Variants in GSAP observed in about 807,000 individuals in gnomAD.
GSAP encodes the protein gamma-secretase activating protein.
GSAP carries 118 observed loss-of-function variants against 131.7 expected under a neutral mutation model. The observed-to-expected ratio is 0.90, with a 90% CI of 0.77 to 1.04. The LOEUF is 1.04. Ranked by LOEUF, GSAP falls within the 50% of genes least tolerant of loss-of-function variation. GSAP has a pLI of 0.00. For synonymous variants in GSAP, 381 were observed against 363.4 expected, an observed-to-expected ratio of 1.05 and a Z score of -0.55; for missense variants, 1,019 against 1,013.2, an observed-to-expected ratio of 1.01 and a Z score of -0.08.
intron 11 of GSAP, among the ~76,000 whole-genome samples, chr7:77,374,700 C>T (rs1400241127): frequency 6.6e-6 from 1 of 150,816 alleles, no homozygotes; most frequent in African/African-American, 2.4e-5. Flanking sequence ...TGACCTGTGA[C>T]ATCCTCTTTG....
intron 26 of GSAP, among the ~76,000 whole-genome samples, chr7:77,319,511 A>G (rs77517702): frequency 0.081 from 12,361 of 152,316 alleles, 718 homozygotes; most frequent in Non-Finnish European, 0.11. Flanking sequence ...TTTAAAAAAA[A>G]GAATCAATAT....
chr7:77,373,355 C>T (rs1281233036), intron 12 of GSAP, among the ~76,000 whole-genome samples: 1 of 152,122 alleles, frequency 6.6e-6, no homozygotes, highest in African/African-American at 2.4e-5. Flanking sequence ...GGGTGAATAT[C>T]CCACAATAAT....
At chr7:77,416,383 G>C (rs556421178), upstream of GSAP, 2 of 895,786 alleles carry the variant, frequency 2.2e-6, no homozygotes, top group East Asian at 3.3e-5. Context: ...CCGGCCCCGC[G>C]TGGCCGCCTC....
rs139021672 is a variant in GSAP, at chr7:77,347,893, T to C, written c.1545+1458A>G. Among the ~76,000 whole-genome samples the C allele has an allele frequency of 1.2e-4, 18 of 151,646 alleles. No homozygotes were observed. The East Asian group carries it at 2.7e-3, about 23-fold the overall frequency. On this transcript the variant is annotated intron_variant, in intron 19 of 30. Transcript: ENST00000257626. Reference sequence around the variant, plus strand: ...ATGGTCCATCATGGTGGTTCACACCTATAATCCTAGCACTCTAAGAGGCTA... The same window carrying C: ...ATGGTCCATCATGGTGGTTCACACCCATAATCCTAGCACTCTAAGAGGCTA...
At chr7:77,376,772 T>G in intron 10 of GSAP, 76 bp downstream of exon 10, 1 of 610,034 alleles carries the variant, frequency 1.6e-6, no homozygotes, top group Non-Finnish European at 2.6e-6. Context: ...TGAGACTCCA[T>G]CTCAAAAAAA....
intron 24 of GSAP, among the ~76,000 whole-genome samples, chr7:77,322,514 G>A (rs1447930740): frequency 6.6e-6 from 1 of 151,724 alleles, no homozygotes; most frequent in African/African-American, 2.4e-5. Flanking sequence ...AGCACTTTGG[G>A]AAGTAAGATT....
chr7:77,318,052 C>G (rs1281229226), intron 26 of GSAP, among the ~76,000 whole-genome samples: 2 of 152,200 alleles, frequency 1.3e-5, no homozygotes, highest in Admixed American at 1.3e-4. Flanking sequence ...TGTAGGGATT[C>G]TTTAGGCCCA....
At chr7:77,403,244 T>C (rs1009399125) in intron 3 of GSAP, among the ~76,000 whole-genome samples, 1 of 152,234 alleles carries the variant, frequency 6.6e-6, no homozygotes, top group African/African-American at 2.4e-5. Flanking sequence ...GAGTTTATGT[T>C]GATCATCACT....
chr7:77,349,803 T>A (rs1276765894), intron 18 of GSAP, among the ~76,000 whole-genome samples: 2 of 152,208 alleles, frequency 1.3e-5, no homozygotes, highest in East Asian at 3.9e-4. Flanking sequence ...CACTTAAATG[T>A]ATTATAGTTG....
intron 12 of GSAP, among the ~76,000 whole-genome samples, chr7:77,370,278 C>G (rs181989568): frequency 6.6e-6 from 1 of 151,914 alleles, no homozygotes; most frequent in Admixed American, 6.6e-5. Flanking sequence ...GCCAACATGG[C>G]GAAACCCCGT....
chr7:77,335,392 T>C (rs1584325372), intron 19 of GSAP, among the ~76,000 whole-genome samples: 1 of 152,104 alleles, frequency 6.6e-6, no homozygotes, highest in East Asian at 1.9e-4. Flanking sequence ...AATGAGACTG[T>C]TTCATAAAAA....
intron 3 of GSAP, among the ~76,000 whole-genome samples, chr7:77,401,063 T>A (rs1801236590): frequency 6.9e-6 from 1 of 145,312 alleles, no homozygotes. Context: ...AATCAAAAAA[T>A]AAAAGAAACA....
chr7:77,398,263 A>G (rs1583860695), intron 3 of GSAP, among the ~76,000 whole-genome samples: 1 of 152,322 alleles, frequency 6.6e-6, no homozygotes, highest in East Asian at 1.9e-4. Flanking sequence ...TATCGAAAAC[A>G]CACCAGACCC....
intron 23 of GSAP, among the ~76,000 whole-genome samples, chr7:77,324,756 GTTT>G (rs936037394): frequency 7.2e-6 from 1 of 138,778 alleles, no homozygotes; most frequent in Admixed American, 7.2e-5. Flanking sequence ...TAACAATTGC[GTTT>G]TTTTTTTCCT....
chr7:77,324,068 G>C (rs1175500772), intron 23 of GSAP, among the ~76,000 whole-genome samples: 2 of 152,142 alleles, frequency 1.3e-5, no homozygotes, highest in Admixed American at 6.5e-5. Flanking sequence ...ATCTACCAAA[G>C]GATTAAAGTC....
chr7:77,319,875 G>C (rs142730029), intron 26 of GSAP, among the ~76,000 whole-genome samples: 1 of 152,184 alleles, frequency 6.6e-6, no homozygotes, highest in Non-Finnish European at 1.5e-5. Context: ...GCCAGGAACC[G>C]GGGAGTAGGG....
At chr7:77,335,086 TA>T (rs112916857) in intron 19 of GSAP, among the ~76,000 whole-genome samples, 73 of 131,546 alleles carry the variant, frequency 5.5e-4, no homozygotes, top group Middle Eastern at 4.8e-3. Flanking sequence ...CCGTCTCAAT[TA>T]AAAAAAAAAA....
intron 26 of GSAP, chr7:77,314,905 G>A (rs1794806854): frequency 1.2e-5 from 2 of 162,314 alleles, no homozygotes; most frequent in Admixed American, 1.2e-4. Context: ...GAAGGCAATA[G>A]TTTATATGGC....
chr7:77,411,694 G>A (rs1803311169), intron 1 of GSAP, among the ~76,000 whole-genome samples: 2 of 152,110 alleles, frequency 1.3e-5, no homozygotes, highest in African/African-American at 4.8e-5. Flanking sequence ...TTCTCCCCAA[G>A]CTGATCTATA....
Sources: gnomAD v4.1 joint callset for allele counts (sites outside exome capture counted in the v4.1 genomes callset) on GRCh38, gnomAD v4.1.1 for gene constraint, MANE v1.5 for transcripts, NCBI Gene and HGNC (gene_info 2026-07-23, HGNC 2026-07-21) for gene names.